Variants in C1D observed in about 807,000 individuals in gnomAD.
The protein encoded by C1D is nuclear nucleic acid-binding protein C1D.
Under a neutral mutation model 17.5 loss-of-function variants are expected in C1D, and 10 were observed. That is an observed-to-expected ratio of 0.57 (90% CI 0.35 to 0.97). C1D has a LOEUF of 0.97. Ranked by LOEUF, C1D falls within the 50% of genes least tolerant of loss-of-function variation. The pLI, the probability that C1D is intolerant of heterozygous loss-of-function variation, is 0.01. For synonymous variants in C1D, 49 were observed against 54.0 expected (o/e 0.91, Z 0.40); for missense variants, 136 against 160.1 (o/e 0.85, Z 0.81).
At chr2:68,044,131 C>T (rs1671049225) in intron 4 of C1D, among the ~76,000 whole-genome samples, 1 of 152,214 alleles carries the variant, frequency 6.6e-6, no homozygotes, top group Admixed American at 6.5e-5. Context: ...CCTTACCCTA[C>T]TCTTTTTCTT....
chr2:68,057,550 A>C (rs1299125411), intron 1 of C1D, among the ~76,000 whole-genome samples: 4 of 152,354 alleles, frequency 2.6e-5, no homozygotes, highest in South Asian at 4.1e-4. Flanking sequence ...ATCCAAAAGA[A>C]GCTGTTAACT....
intron 1 of C1D, chr2:68,052,965 T>A (rs1025441935): frequency 8.1e-6 from 12 of 1,479,618 alleles, no homozygotes; most frequent in Non-Finnish European, 9.9e-6. Context: ...CACTTGTTCA[T>A]CTAAACCTCA....
At chr2:68,062,431 C>T (rs759647462) in intron 1 of C1D, among the ~76,000 whole-genome samples, 1 of 152,106 alleles carries the variant, frequency 6.6e-6, no homozygotes, top group Non-Finnish European at 1.5e-5. Context: ...CTTGGATTAC[C>T]CACTACAGAT....
At chr2:68,058,374 G>C (rs1671500432) in intron 1 of C1D, among the ~76,000 whole-genome samples, 1 of 152,192 alleles carries the variant, frequency 6.6e-6, no homozygotes, top group Non-Finnish European at 1.5e-5. Context: ...ATCATGCTAT[G>C]AGACTATAAA....
rs189184941 is a variant in C1D, at chr2:68,044,665, G to A, written c.261+1323C>T. ...GGAGCTTGCAGTGAGCCAAGATCAC[G>A]ACACTGCACTCCAGCCTGGGCGACA... On this transcript the variant is annotated intron_variant, in intron 4 of 4. Transcript: ENST00000410067. Among the ~76,000 whole-genome samples, 33 of 151,814 alleles carry A rather than the reference G, an allele frequency of 2.2e-4. 1 individual carries two copies. Among genetic ancestry groups the A allele is most frequent in the African/African-American group, 6.5e-4 (27 of 41,374 alleles).
chr2:68,059,336 G>C (rs1671550128), intron 1 of C1D, among the ~76,000 whole-genome samples: 1 of 152,150 alleles, frequency 6.6e-6, no homozygotes, highest in African/African-American at 2.4e-5. Flanking sequence ...TTCAACAAGA[G>C]ATTTGGAGGA....
At chr2:68,052,669 C>G (rs1210018912) in intron 1 of C1D, among the ~76,000 whole-genome samples, 2 of 152,154 alleles carry the variant, frequency 1.3e-5, no homozygotes, top group Non-Finnish European at 2.9e-5. Flanking sequence ...TAAATCTGAA[C>G]TGAGCCACTT....
intron 1 of C1D, among the ~76,000 whole-genome samples, chr2:68,060,789 T>G (rs1366307434): frequency 6.6e-6 from 1 of 152,198 alleles, no homozygotes; most frequent in Non-Finnish European, 1.5e-5. Context: ...TCCTCCTACC[T>G]TTCCATTGGT....
At position 68,042,973 on chromosome 2, in the gene C1D, A is replaced by C; in HGVS notation, c.342T>G (p.Ala114=). Residue 114 remains alanine (A), a synonymous_variant, in exon 5 of 5, where the codon GCT becomes GCG. Coordinates refer to ENST00000410067, the MANE Select transcript of C1D (RefSeq NM_173177.3). ...KKAGKLDRGA[A]SRFVKNALWE... ...AGAGGGCATTTTTTACAAATCTTGA[A>C]GCTGCACCTCTGTCCAGCTTGCCAG... 1 of 1,611,426 alleles carries C rather than the reference A, an allele frequency of 6.2e-7. No homozygotes were observed. The highest frequency in any genetic ancestry group is 1.1e-5 in the South Asian group (1 of 90,838).
At chr2:68,053,285 C>T (rs1671341075) in intron 1 of C1D, 4 of 1,415,182 alleles carry the variant, frequency 2.8e-6, no homozygotes, top group Non-Finnish European at 3.8e-6. Context: ...TCCTTCCTCT[C>T]ACTGGTTATA....
intron 1 of C1D, chr2:68,053,415 C>T (rs1671344448): frequency 2.1e-6 from 1 of 469,972 alleles, no homozygotes; most frequent in Non-Finnish European, 3.7e-6. Context: ...CAGGCAGAAA[C>T]CTGGGAGGCA....
intron 1 of C1D, among the ~76,000 whole-genome samples, chr2:68,050,804 A>G (rs1671258021): frequency 6.6e-6 from 1 of 152,206 alleles, no homozygotes; most frequent in Admixed American, 6.5e-5. Flanking sequence ...TTCCAGCTGC[A>G]TACTCAATAT....
chr2:68,046,084 T>C, intron 3 of C1D, 41 bp from the exon 4 acceptor site: 1 of 1,367,956 alleles, frequency 7.3e-7, no homozygotes, highest in South Asian at 1.3e-5. Context: ...GGTGAATGTA[T>C]TAATTTAAAA....
intron 1 of C1D, among the ~76,000 whole-genome samples, chr2:68,052,094 T>C (rs1281498134): frequency 6.6e-6 from 1 of 151,992 alleles, no homozygotes; most frequent in Non-Finnish European, 1.5e-5. Flanking sequence ...ACATGTCTTC[T>C]AAAAATAAAG....
At chr2:68,055,526 G>A (rs969898648) in intron 1 of C1D, among the ~76,000 whole-genome samples, 3 of 151,780 alleles carry the variant, frequency 2.0e-5, no homozygotes, top group African/African-American at 4.8e-5. Flanking sequence ...AGATTTAAGA[G>A]ATGTAACAAC....
intron 1 of C1D, among the ~76,000 whole-genome samples, chr2:68,047,548 T>C (rs1235514475): frequency 6.6e-6 from 1 of 152,188 alleles, no homozygotes; most frequent in African/African-American, 2.4e-5. Flanking sequence ...CCACTAATGC[T>C]ATGCACACCA....
intron 4 of C1D, among the ~76,000 whole-genome samples, chr2:68,044,149 A>G (rs908613536): frequency 2.6e-5 from 4 of 152,172 alleles, no homozygotes; most frequent in African/African-American, 4.8e-5. Context: ...CTTTGTTCCC[A>G]TAACTTTCCA....
At chr2:68,058,236 C>T (rs764138683) in intron 1 of C1D, among the ~76,000 whole-genome samples, 33 of 152,214 alleles carry the variant, frequency 2.2e-4, no homozygotes, top group Admixed American at 2.6e-4. Context: ...TGATAGGCAG[C>T]CCTGATACTT....
At chr2:68,053,250 C>G in intron 1 of C1D, 2 of 1,514,006 alleles carry the variant, frequency 1.3e-6, no homozygotes, top group South Asian at 1.2e-5. Flanking sequence ...GCCCAGTAAC[C>G]CTAACAGATG....
Sources: gnomAD v4.1 joint callset for allele counts (sites outside exome capture counted in the v4.1 genomes callset) on GRCh38, gnomAD v4.1.1 for gene constraint, MANE v1.5 for transcripts, NCBI Gene and HGNC (gene_info 2026-07-23, HGNC 2026-07-21) for gene names.